Variants in ZNF57 observed in about 807,000 individuals in gnomAD.
ZNF57 encodes zinc finger protein 57.
ZNF57 carries 11 observed loss-of-function variants against 13.4 expected under a neutral mutation model. That is an observed-to-expected ratio of 0.82 (90% CI 0.52 to 1.36). ZNF57 has a LOEUF of 1.36. ZNF57 is among the 40% of genes most tolerant of loss of function. The pLI is 0.00. For missense variants in ZNF57, 696 were observed against 667.5 expected (o/e 1.04, Z -0.47); for synonymous variants, 224 against 238.5 (o/e 0.94, Z 0.56).
In ZNF57 at chr19:2,914,690, C is replaced by T. The variant is rs144956199; in HGVS notation, c.4-832C>T. ...AGATGAGCTTCGGGTTTATATTCAT[C>T]GCTCGATTCCAGTGAGATACAGAAA... is the stretch of plus-strand genomic sequence containing the variant. On this transcript the variant is annotated intron_variant, in intron 1 of 3. Coordinates refer to ENST00000306908, the MANE Select transcript of ZNF57 (RefSeq NM_173480.3). Among the ~76,000 whole-genome samples, 969 of 152,240 alleles carry T rather than the reference C, an allele frequency of 6.4e-3. 55 individuals are homozygous for T. Among genetic ancestry groups the T allele is most frequent in the Admixed American group, 0.058 (888 of 15,282 alleles).
At position 2,916,258 on chromosome 19, in the gene ZNF57, C is replaced by T; in HGVS notation, c.302+9C>T. 1 of 1,589,064 alleles carries T rather than the reference C, an allele frequency of 6.3e-7. No homozygotes were observed. Among genetic ancestry groups the T allele is most frequent in the Non-Finnish European group, 8.6e-7 (1 of 1,169,206 alleles). On this transcript the variant is annotated intron_variant, in intron 3 of 3. Coordinates refer to ENST00000306908, the MANE Select transcript of ZNF57 (RefSeq NM_173480.3). The stretch of plus-strand genomic sequence containing the variant: ...CACCACAAAAATCTGAGGTGAGTTG[C>T]ACTCACAAGAGAAAAATCCTTGTAT...
chr19:2,916,784 T>C (rs577941057), intron 3 of ZNF57, 140 bp from the exon 4 acceptor site: 5 of 640,050 alleles, frequency 7.8e-6, no homozygotes, highest in Non-Finnish European at 1.0e-5. Context: ...TTAAAAAATA[T>C]GTCTCTTCAA....
chr19:2,905,413 C>CCCCA (rs2088065339), intron 1 of ZNF57, among the ~76,000 whole-genome samples: 1 of 69,856 alleles, frequency 1.4e-5, no homozygotes. Context: ...GATCGCCCCC[C>CCCCA]CCCCCTCGGC....
intron 1 of ZNF57, among the ~76,000 whole-genome samples, chr19:2,906,778 C>T (rs905772684): frequency 2.0e-5 from 3 of 152,164 alleles, no homozygotes; most frequent in South Asian, 2.1e-4. Flanking sequence ...AGGTTTGCCT[C>T]GGTGCCATAA....
chr19:2,909,278 T>TA (rs1278973576), intron 1 of ZNF57, among the ~76,000 whole-genome samples: 7 of 120,662 alleles, frequency 5.8e-5, no homozygotes, highest in African/African-American at 1.5e-4. Flanking sequence ...TTTATTTATT[T>TA]TTGTTTTTTT....
chr19:2,912,877 T>G (rs900476063), intron 1 of ZNF57, among the ~76,000 whole-genome samples: 3 of 152,198 alleles, frequency 2.0e-5, no homozygotes, highest in African/African-American at 7.2e-5. Context: ...CTCCTTTTTG[T>G]TTTGATTTGC....
chr19:2,911,512 G>T (rs867653576), intron 1 of ZNF57, among the ~76,000 whole-genome samples: 2 of 150,336 alleles, frequency 1.3e-5, no homozygotes, highest in African/African-American at 4.9e-5. Flanking sequence ...CAGCCTGGGC[G>T]ACAGAGGGAG....
intron 1 of ZNF57, among the ~76,000 whole-genome samples, chr19:2,901,525 A>T (rs1056609488): frequency 1.3e-5 from 2 of 151,296 alleles, no homozygotes; most frequent in South Asian, 2.1e-4. Context: ...TTATTTTTTT[A>T]TTTTTTTTAT....
intron 1 of ZNF57, among the ~76,000 whole-genome samples, chr19:2,913,550 A>G (rs956809884): frequency 1.3e-5 from 2 of 152,046 alleles, no homozygotes; most frequent in Admixed American, 1.3e-4. Context: ...TTGATCCATT[A>G]GTTATGGAGG....
In ZNF57 at chr19:2,916,083, G is replaced by A. The variant is rs1474305467; in HGVS notation, c.136G>A (p.Gly46Arg). Reference sequence around the variant, plus strand: ...TGTTTACTTTTTTGTTGCAGATGATGGGACTCAATTTAAAGCCAATGGGTC... The same window carrying A: ...TGTTTACTTTTTTGTTGCAGATGATAGGACTCAATTTAAAGCCAATGGGTC... ...TFRNLASVDD[G>R]TQFKANGSVS... Residue 46 changes from glycine to arginine, a missense_variant, in exon 3 of 4, where the codon GGG (glycine) becomes AGG (arginine). Transcript: ENST00000306908. 1 of 1,608,112 alleles carries A rather than the reference G, an allele frequency of 6.2e-7. No homozygotes were observed. Among genetic ancestry groups the A allele is most frequent in the Admixed American group, 1.7e-5 (1 of 58,024 alleles).
intron 1 of ZNF57, among the ~76,000 whole-genome samples, chr19:2,912,959 CT>C (rs2088153436): frequency 1.3e-5 from 2 of 152,186 alleles, no homozygotes; most frequent in East Asian, 3.9e-4. Flanking sequence ...CCTTTCCCCA[CT>C]TTTTTGTTGT....
At chr19:2,901,490 A>G (rs111628802) in intron 1 of ZNF57, among the ~76,000 whole-genome samples, 1 of 151,682 alleles carries the variant, frequency 6.6e-6, no homozygotes, top group Non-Finnish European at 1.5e-5. Flanking sequence ...GGACTCAGCA[A>G]AGGGTGATGG....
intron 2 of ZNF57, 32 bp from the exon 3 acceptor site, chr19:2,916,046 C>T: frequency 1.3e-6 from 2 of 1,599,020 alleles, no homozygotes; most frequent in Non-Finnish European, 1.7e-6. Context: ...GTGTCTTATT[C>T]CTTTTGAGAT....
At chr19:2,915,189 A>G (rs1032575690) in intron 1 of ZNF57, 15 of 191,072 alleles carry the variant, frequency 7.9e-5, no homozygotes, top group Non-Finnish European at 1.4e-4. Context: ...CGAAAGTCCT[A>G]TGAAATGTGC....
intron 3 of ZNF57, 122 bp downstream of exon 3, chr19:2,916,371 AT>A: frequency 1.1e-6 from 1 of 911,442 alleles, no homozygotes; most frequent in Middle Eastern, 2.7e-4. Context: ...AAAAAAAAAA[AT>A]TTGTATTTGA....
rs372824448 is a variant in ZNF57 at position 2,902,362 on chromosome 19, T to C, written c.3+1314T>C. 1.5e-3 allele frequency among the ~76,000 whole-genome samples: 222 copies of C among 152,166 alleles called. 1 individual carries two copies. The highest frequency in any genetic ancestry group is 3.6e-3 in the Admixed American group (55 of 15,276). On this transcript the variant is annotated intron_variant, in intron 1 of 3. Transcript: ENST00000306908. The stretch of plus-strand genomic sequence containing the variant: ...GCTTTTTTCTTCTCCTTAGTGACAA[T>C]AGGAAAATGTTCAAGTGTGTTTTCT...
rs1340659787 is a variant in ZNF57, at chr19:2,910,131, G to C, written c.4-5391G>C. On this transcript the variant is annotated intron_variant, in intron 1 of 3. Coordinates refer to ENST00000306908, the MANE Select transcript of ZNF57 (RefSeq NM_173480.3). Reference sequence around the variant, plus strand: ...GGAATAACTATTCACTTAGTTCTTTGATTTCTTCTGTCAGAGTTTTACAAT... The same window carrying C: ...GGAATAACTATTCACTTAGTTCTTTCATTTCTTCTGTCAGAGTTTTACAAT... 8.3e-5 allele frequency among the ~76,000 whole-genome samples: 4 copies of C among 48,284 alleles called. 2 individuals carry two copies. In the East Asian group the frequency reaches 1.6e-3, roughly 20 times the overall value. The allele number at this position is 48,284 out of a possible 152,430, so 31.7% of individuals were successfully genotyped here. A position where few individuals can be genotyped will look rare whatever the true frequency, so the allele number is the denominator to read the frequency against.
intron 1 of ZNF57, among the ~76,000 whole-genome samples, chr19:2,905,764 C>CA (rs35657642): frequency 0.21 from 24,773 of 120,608 alleles, 3,006 homozygotes; most frequent in South Asian, 0.29. Context: ...GACTCTGTCT[C>CA]AAAAAAAAAA....
Position 2,918,450 on chromosome 19 carries a change from AAAAT to A in ZNF57, c.*166_*169del, listed in dbSNP as rs1286049432. On this transcript the variant is annotated 3_prime_UTR_variant, in exon 4 of 4. Coordinates refer to ENST00000306908, the MANE Select transcript of ZNF57 (RefSeq NM_173480.3). Reference sequence around the variant, plus strand: ...TAGTCGTGAATTTCCAGCTCTTTCAAAAATAAATGTTTATGTGAGAAAATAATTC... The same window carrying A: ...TAGTCGTGAATTTCCAGCTCTTTCAAAAATGTTTATGTGAGAAAATAATTC... The A allele has an allele frequency of 8.0e-6, 6 of 750,212 alleles. No individual in the cohort carries two copies. The highest frequency in any genetic ancestry group is 1.8e-5 in the African/African-American group (1 of 56,656). The allele number at this position is 750,212 out of a possible 1,614,324, so 46.5% of individuals were successfully genotyped here.
Sources: allele counts gnomAD v4.1 joint callset (sites outside exome capture counted in the v4.1 genomes callset), GRCh38; gene constraint gnomAD v4.1.1; transcripts MANE v1.5; gene names NCBI Gene and HGNC (gene_info 2026-07-23, HGNC 2026-07-21).